Variants in EXOC4 observed in about 807,000 individuals in gnomAD.
EXOC4 encodes the protein exocyst complex component 4, also known as SEC8-like 1.
Under a neutral mutation model 107.2 loss-of-function variants are expected in EXOC4, and 71 were observed. The observed-to-expected ratio is 0.66, with a 90% CI of 0.55 to 0.81. The LOEUF (loss-of-function observed/expected upper bound fraction) is 0.81, where lower values mean the gene tolerates loss of function less well. Ranked by LOEUF, EXOC4 falls within the 30% of genes least tolerant of loss-of-function variation. The probability of loss-of-function intolerance (pLI) is 0.00; values close to 1 mark genes in which losing one functional copy is unlikely to be tolerated. For synonymous variants in EXOC4, 456 were observed against 441.2 expected (o/e 1.03, Z -0.42); for missense variants, 1,108 against 1,189.6 (o/e 0.93, Z 1.01).
intron 10 of EXOC4, among the ~76,000 whole-genome samples, chr7:133,674,661 C>G (rs994403812): frequency 2.0e-5 from 3 of 152,216 alleles, no homozygotes; most frequent in African/African-American, 4.8e-5. Context: ...GCAGCATAGA[C>G]TTGATTTAAA....
chr7:133,483,236 T>C (rs1382952113), intron 9 of EXOC4, among the ~76,000 whole-genome samples: 2 of 152,154 alleles, frequency 1.3e-5, no homozygotes, highest in African/African-American at 4.8e-5. Flanking sequence ...GAGAGCACCA[T>C]GGAGAGGCAG....
intron 14 of EXOC4, among the ~76,000 whole-genome samples, chr7:133,948,006 G>A (rs1207906769): frequency 2.0e-5 from 3 of 152,200 alleles, no homozygotes; most frequent in Non-Finnish European, 2.9e-5. Flanking sequence ...AAGCCAGACA[G>A]AGAAGATGGT....
chr7:133,585,138 T>A (rs1801371553), intron 9 of EXOC4, among the ~76,000 whole-genome samples: 1 of 152,210 alleles, frequency 6.6e-6, no homozygotes, highest in African/African-American at 2.4e-5. Context: ...CTTTCTTTAC[T>A]CCTCACACAT....
chr7:133,538,959 G>GTT (rs67526258), intron 9 of EXOC4, among the ~76,000 whole-genome samples: 96 of 145,274 alleles, frequency 6.6e-4, no homozygotes, highest in Admixed American at 6.9e-4. Context: ...AATAGCTTGG[G>GTT]TTTTTTTTTT....
chr7:133,274,968 T>C lies in EXOC4; in HGVS notation c.87-14T>C. On this transcript the variant is annotated splice_polypyrimidine_tract_variant and intron_variant, in intron 1 of 17. Transcript: ENST00000253861. ...AAGTTTTACTTAGCTTGATATACTC[T>C]CTGCCTTCACCAGGACTCTGTCTAC... is the stretch of plus-strand genomic sequence containing the variant. 6.4e-7 allele frequency: 1 copy of C among 1,566,392 alleles called. No homozygotes were observed. Among genetic ancestry groups the C allele is most frequent in the Non-Finnish European group, 8.6e-7 (1 of 1,156,784 alleles).
intron 10 of EXOC4, among the ~76,000 whole-genome samples, chr7:133,670,598 T>G (rs938090504): frequency 6.6e-6 from 1 of 152,200 alleles, no homozygotes; most frequent in Non-Finnish European, 1.5e-5. Context: ...GTGTTTCTTC[T>G]TCCTCACTGT....
intron 9 of EXOC4, among the ~76,000 whole-genome samples, chr7:133,591,449 G>T (rs1018809838): frequency 6.6e-6 from 1 of 152,002 alleles, no homozygotes; most frequent in East Asian, 1.9e-4. Flanking sequence ...ACTAGATCCT[G>T]TTCAGGCATG....
At chr7:133,622,444 G>A (rs565287182) in intron 9 of EXOC4, among the ~76,000 whole-genome samples, 1 of 152,188 alleles carries the variant, frequency 6.6e-6, no homozygotes, top group East Asian at 1.9e-4. Flanking sequence ...GCAATTTGAA[G>A]GTGAGGATGG....
At chr7:133,333,958 A>G (rs1795451385) in intron 5 of EXOC4, among the ~76,000 whole-genome samples, 1 of 152,246 alleles carries the variant, frequency 6.6e-6, no homozygotes, top group African/African-American at 2.4e-5. Context: ...TTCAATTTGC[A>G]TATTAGAAGG....
the EXOC4 span, among the ~76,000 whole-genome samples, chr7:134,072,008 C>T: frequency 2.0e-5 from 3 of 152,230 alleles, no homozygotes; most frequent in Non-Finnish European, 4.4e-5. Flanking sequence ...ACTCTCCTCT[C>T]TGCTTCTCCT....
intron 10 of EXOC4, among the ~76,000 whole-genome samples, chr7:133,758,248 G>A (rs749591605): frequency 6.6e-6 from 1 of 152,084 alleles, no homozygotes; most frequent in Non-Finnish European, 1.5e-5. Context: ...GAGTTCAAGC[G>A]ATTCTCCTGC....
At chr7:133,937,790 G>A in intron 13 of EXOC4, 101 bp from the exon 14 acceptor site, 1 of 1,085,208 alleles carries the variant, frequency 9.2e-7, no homozygotes, top group South Asian at 1.5e-5. Context: ...GTAAAATAGT[G>A]CTCATGTCAG....
intron 11 of EXOC4, among the ~76,000 whole-genome samples, chr7:133,861,502 G>A (rs1258958777): frequency 1.3e-5 from 2 of 152,140 alleles, no homozygotes; most frequent in African/African-American, 4.8e-5. Context: ...TGCATCTGGA[G>A]AGGGGATCAG....
the EXOC4 span, among the ~76,000 whole-genome samples, chr7:134,089,606 A>G: frequency 6.6e-6 from 1 of 152,214 alleles, no homozygotes; most frequent in Non-Finnish European, 1.5e-5. Context: ...TGAAGCATTT[A>G]GGAGGCCTAA....
downstream of EXOC4, among the ~76,000 whole-genome samples, chr7:134,067,117 TC>T (rs1287495294): frequency 7.4e-6 from 1 of 135,608 alleles, no homozygotes; most frequent in Non-Finnish European, 1.5e-5. Context: ...ACCATTGCAC[TC>T]CAGCCTAGGC....
Position 133,305,966 on chromosome 7 carries a change from C to T in EXOC4, c.561C>T (p.Asn187=). Residue 187 remains asparagine (N), a synonymous_variant, in exon 4 of 18, where the codon AAC becomes AAT. Coordinates refer to ENST00000253861, the MANE Select transcript of EXOC4 (RefSeq NM_021807.4). ...TAGAGCTTCACAGCAAGAAGATGAA[C>T]CTTCACTTGGTTCTCATAGATGAAC... ...LRLELHSKKM[N]LHLVLIDELH... 6.2e-7 allele frequency: 1 copy of T among 1,613,938 alleles called. No individual in the cohort carries two copies. Among genetic ancestry groups the T allele is most frequent in the Non-Finnish European group, 8.5e-7 (1 of 1,179,906 alleles).
chr7:133,654,635 C>T (rs1049575375), intron 10 of EXOC4, among the ~76,000 whole-genome samples: 18 of 152,066 alleles, frequency 1.2e-4, no homozygotes, highest in South Asian at 2.1e-4. Flanking sequence ...CAGTACTGGG[C>T]GCAGCAGTTC....
chr7:133,291,679 G>T (rs917199628), intron 3 of EXOC4, among the ~76,000 whole-genome samples: 1 of 151,960 alleles, frequency 6.6e-6, no homozygotes. Flanking sequence ...TACTCTGCCC[G>T]GCCTGTTATG....
chr7:133,653,213 G>T (rs1803204476), intron 10 of EXOC4, among the ~76,000 whole-genome samples: 1 of 152,168 alleles, frequency 6.6e-6, no homozygotes, highest in African/African-American at 2.4e-5. Flanking sequence ...ATATTAATAT[G>T]TTATATTAGT....
Sources: allele counts gnomAD v4.1 joint callset (sites outside exome capture counted in the v4.1 genomes callset), GRCh38; gene constraint gnomAD v4.1.1; transcripts MANE v1.5; gene names NCBI Gene and HGNC (gene_info 2026-07-23, HGNC 2026-07-21).